Variants in PTPRD observed in about 807,000 individuals in gnomAD.
The protein encoded by PTPRD is receptor-type tyrosine-protein phosphatase delta.
A neutral mutation model predicts 214.5 loss-of-function variants in PTPRD; 34 were observed. The observed-to-expected ratio is 0.16, with a 90% CI of 0.12 to 0.21. The LOEUF is 0.21. PTPRD is among the 10% of genes least tolerant of loss of function. The probability of loss-of-function intolerance (pLI) is 1.00; values close to 1 mark genes in which losing one functional copy is unlikely to be tolerated. For missense variants in PTPRD, 2,545 were observed against 2,398.7 expected (o/e 1.06, Z -1.27); for synonymous variants, 1,128 against 845.7 (o/e 1.33, Z -5.79).
At chr9:9,663,151 A>G (rs57349311) in intron 7 of PTPRD, among the ~76,000 whole-genome samples, 3,136 of 151,614 alleles carry the variant, frequency 0.021, 106 homozygotes, top group African/African-American at 0.072. Flanking sequence ...TTTGATAATC[A>G]AAAACTCAGA....
intron 10 of PTPRD, among the ~76,000 whole-genome samples, chr9:9,124,930 T>G (rs2099825702): frequency 6.6e-6 from 1 of 152,188 alleles, no homozygotes; most frequent in Non-Finnish European, 1.5e-5. Context: ...CCAGTCACTA[T>G]TTTGTTAACT....
At chr9:10,221,570 G>A (rs1248506292) in intron 3 of PTPRD, among the ~76,000 whole-genome samples, 1 of 151,818 alleles carries the variant, frequency 6.6e-6, no homozygotes, top group Non-Finnish European at 1.5e-5. Flanking sequence ...GAGCCAATAG[G>A]AATGCATTTA....
chr9:8,590,600 A>C (rs571293781), intron 14 of PTPRD, among the ~76,000 whole-genome samples: 12 of 152,298 alleles, frequency 7.9e-5, no homozygotes, highest in Admixed American at 5.2e-4. Flanking sequence ...CACTGTGTTC[A>C]CTAACTGGCA....
intron 5 of PTPRD, among the ~76,000 whole-genome samples, chr9:9,910,906 T>C (rs1170564972): frequency 3.9e-5 from 6 of 152,048 alleles, no homozygotes; most frequent in Non-Finnish European, 7.4e-5. Flanking sequence ...AATCATTACA[T>C]TATGGGCTCG....
At chr9:9,239,454 C>T (rs766036723) in intron 9 of PTPRD, among the ~76,000 whole-genome samples, 1 of 151,998 alleles carries the variant, frequency 6.6e-6, no homozygotes, top group African/African-American at 2.4e-5. Flanking sequence ...TAAATCGAAC[C>T]TAAGAGCAGA....
intron 39 of PTPRD, among the ~76,000 whole-genome samples, chr9:8,362,407 C>T (rs1163245459): frequency 6.6e-6 from 1 of 152,134 alleles, no homozygotes; most frequent in African/African-American, 2.4e-5. Context: ...CATTTTCAGA[C>T]ACACGAAAGA....
chr9:8,710,591 G>C (rs1470374058), intron 12 of PTPRD, among the ~76,000 whole-genome samples: 3 of 152,102 alleles, frequency 2.0e-5, no homozygotes, highest in Non-Finnish European at 4.4e-5. Flanking sequence ...ACTCCAGTCT[G>C]GGTGACAGAG....
rs1208790671 is a variant in PTPRD, at chr9:9,642,159, G to A, written c.-286-67378C>T. ...AAATCATCATTCTCAGTAAACTATC[G>A]CAAGAACAAAAAACCAAACACCGTA... is the stretch of plus-strand genomic sequence containing the variant. On this transcript the variant is annotated intron_variant, in intron 7 of 45. Transcript: ENST00000381196. 9.0e-5 allele frequency among the ~76,000 whole-genome samples: 13 copies of A among 144,712 alleles called. 1 individual carries two copies. The highest frequency in any genetic ancestry group is 1.5e-4 in the African/African-American group (6 of 38,784). 94.9% of individuals were successfully genotyped at this position (144,712 alleles called of 152,430 possible).
At chr9:8,919,845 T>C (rs570394860) in intron 11 of PTPRD, among the ~76,000 whole-genome samples, 111 of 150,910 alleles carry the variant, frequency 7.4e-4, no homozygotes, top group Admixed American at 1.5e-3. Context: ...CATACGTGCA[T>C]GTATCATGCA....
rs571097703 is a variant in PTPRD, at chr9:9,689,169, T to C, written c.-287+45364A>G. Among the ~76,000 whole-genome samples, 22 of 151,974 alleles carry C rather than the reference T, an allele frequency of 1.4e-4. No homozygotes were observed. In the East Asian group the frequency reaches 3.7e-3, roughly 25 times the overall value. On this transcript the variant is annotated intron_variant, in intron 7 of 45. Transcript: ENST00000381196. ...TAAAAATTATGGTTTTAGATTCCAA[T>C]TTCACGACCAGAGACTACTTATTTA... is the stretch of plus-strand genomic sequence containing the variant.
intron 7 of PTPRD, among the ~76,000 whole-genome samples, chr9:9,612,225 A>G (rs2094550693): frequency 6.6e-6 from 1 of 152,118 alleles, no homozygotes; most frequent in Non-Finnish European, 1.5e-5. Context: ...GGAATAAAAA[A>G]AACAGTACTG....
chr9:10,245,738 G>C (rs967116839), intron 3 of PTPRD, among the ~76,000 whole-genome samples: 1 of 152,150 alleles, frequency 6.6e-6, no homozygotes, highest in African/African-American at 2.4e-5. Context: ...ATATGTGTGT[G>C]TATTGGGACA....
intron 7 of PTPRD, among the ~76,000 whole-genome samples, chr9:9,733,578 C>G (rs1036286593): frequency 6.6e-6 from 1 of 152,072 alleles, no homozygotes; most frequent in East Asian, 1.9e-4. Flanking sequence ...TGAACAACAG[C>G]AAGGAGATAC....
intron 5 of PTPRD, among the ~76,000 whole-genome samples, chr9:9,907,987 T>C (rs4740998): frequency 0.95 from 144,716 of 151,942 alleles, 69,045 homozygotes; most frequent in East Asian, 1. Flanking sequence ...ACCTGACCTA[T>C]AGCATCTTAT....
At chr9:10,143,097 G>T (rs1236655052) in intron 3 of PTPRD, among the ~76,000 whole-genome samples, 1 of 152,024 alleles carries the variant, frequency 6.6e-6, no homozygotes, top group Non-Finnish European at 1.5e-5. Flanking sequence ...ACACAGGAAG[G>T]GGAACATCAC....
At chr9:8,504,162 T>A (rs1353675281) in intron 23 of PTPRD, 99 bp downstream of exon 23, 2 of 1,205,758 alleles carry the variant, frequency 1.7e-6, no homozygotes, top group Non-Finnish European at 2.4e-6. Context: ...GACTAACTAT[T>A]AAGCATATTA....
At chr9:8,541,380 T>C (rs969399555) in intron 14 of PTPRD, among the ~76,000 whole-genome samples, 3 of 152,090 alleles carry the variant, frequency 2.0e-5, no homozygotes, top group African/African-American at 7.2e-5. Flanking sequence ...CAGGCATGTG[T>C]CACAATACCT....
At chr9:9,339,320 TA>T (rs558687690) in intron 9 of PTPRD, among the ~76,000 whole-genome samples, 1,506 of 139,712 alleles carry the variant, frequency 0.011, 5 homozygotes, top group Middle Eastern at 0.026. Context: ...TACTAAAAAT[TA>T]AAAAAAAAAA....
At chr9:9,530,856 G>A (rs1044445647) in intron 8 of PTPRD, among the ~76,000 whole-genome samples, 5 of 152,104 alleles carry the variant, frequency 3.3e-5, no homozygotes, top group Non-Finnish European at 5.9e-5. Context: ...TAGAGAACAT[G>A]CAATGATGGA....
Sources: allele counts gnomAD v4.1 joint callset (sites outside exome capture counted in the v4.1 genomes callset), GRCh38; gene constraint gnomAD v4.1.1; transcripts MANE v1.5; gene names NCBI Gene and HGNC (gene_info 2026-07-23, HGNC 2026-07-21).